The following PTPRM variants were observed in gnomAD, a reference collection of about 807,000 sequenced individuals.
PTPRM encodes protein tyrosine phosphatase receptor type M.
PTPRM carries 47 observed loss-of-function variants against 186.7 expected under a neutral mutation model. That is an observed-to-expected ratio of 0.25 (90% CI 0.20 to 0.32). The LOEUF is 0.32. PTPRM is among the 10% of genes least tolerant of loss of function. PTPRM has a pLI of 1.00. For synonymous variants in PTPRM, 668 were observed against 674.9 expected, an observed-to-expected ratio of 0.99 and a Z score of 0.16; for missense variants, 1,494 against 1,865.0, an observed-to-expected ratio of 0.80 and a Z score of 3.66.
chr18:8,384,706 T>A lies in PTPRM; in HGVS notation c.4044+20T>A, dbSNP rs1412107285. On this transcript the variant is annotated intron_variant, in intron 30 of 32. Transcript: ENST00000580170. ...GCCAGAGTAAGAGACGGGCCTGTCA[T>A]GCCTGTGATTATGGTTTCATTTATT... is the stretch of plus-strand genomic sequence containing the variant. 1 of 1,613,162 alleles carries A rather than the reference T, an allele frequency of 6.2e-7. No homozygotes were observed. The highest frequency in any genetic ancestry group is 8.5e-7 in the Non-Finnish European group (1 of 1,179,286).
At chr18:7,897,097 C>T (rs1186858974) in intron 3 of PTPRM, among the ~76,000 whole-genome samples, 4 of 152,118 alleles carry the variant, frequency 2.6e-5, no homozygotes, top group Non-Finnish European at 5.9e-5. Flanking sequence ...TGTTAGGAGG[C>T]ATTAATTGAC....
intron 14 of PTPRM, among the ~76,000 whole-genome samples, chr18:8,171,160 G>T (rs1055083665): frequency 6.6e-6 from 1 of 152,120 alleles, no homozygotes; most frequent in African/African-American, 2.4e-5. Context: ...CATTCATTCT[G>T]GACCTAAATA....
intron 14 of PTPRM, among the ~76,000 whole-genome samples, chr18:8,181,250 G>C (rs1399863913): frequency 6.6e-6 from 1 of 152,194 alleles, no homozygotes; most frequent in African/African-American, 2.4e-5. Flanking sequence ...AATTGAGAGT[G>C]ATTCCATCTT....
At chr18:7,938,080 C>T (rs1165668811) in intron 5 of PTPRM, among the ~76,000 whole-genome samples, 2 of 152,178 alleles carry the variant, frequency 1.3e-5, no homozygotes, top group African/African-American at 2.4e-5. Flanking sequence ...ACAATCTGAA[C>T]ATAGAGATGC....
intron 14 of PTPRM, among the ~76,000 whole-genome samples, chr18:8,238,182 A>G (rs558318759): frequency 9.8e-5 from 15 of 152,340 alleles, no homozygotes; most frequent in African/African-American, 3.4e-4. Context: ...TATTGCTTCA[A>G]ATATTTCTTC....
intron 7 of PTPRM, among the ~76,000 whole-genome samples, chr18:8,033,431 G>A (rs1230200882): frequency 6.6e-6 from 1 of 152,034 alleles, no homozygotes; most frequent in Non-Finnish European, 1.5e-5. Context: ...ACCATTTCAT[G>A]GTTGTGCAAA....
At chr18:7,774,411 G>A in intron 2 of PTPRM, 140 bp downstream of exon 2, 1 of 1,006,074 alleles carries the variant, frequency 9.9e-7, no homozygotes, top group South Asian at 1.6e-5. Context: ...GCTAGTGAGA[G>A]TGGTGCAATT....
chr18:8,206,369 C>G (rs1022936121), intron 14 of PTPRM, among the ~76,000 whole-genome samples: 2 of 152,050 alleles, frequency 1.3e-5, no homozygotes, highest in Non-Finnish European at 2.9e-5. Flanking sequence ...ATTCTCCTGC[C>G]TCAGCCTCCC....
intron 3 of PTPRM, among the ~76,000 whole-genome samples, chr18:7,903,786 C>A (rs1200391738): frequency 6.6e-6 from 1 of 152,184 alleles, no homozygotes; most frequent in East Asian, 1.9e-4. Context: ...TCTGGGATGT[C>A]TTCTGTCCCT....
At chr18:7,899,170 G>A (rs145980099) in intron 3 of PTPRM, among the ~76,000 whole-genome samples, 1,967 of 152,192 alleles carry the variant, frequency 0.013, 20 homozygotes, top group South Asian at 0.032. Flanking sequence ...AAAAAGCAAC[G>A]TTACCAAAAA....
chr18:8,172,383 T>C (rs2093415732), intron 14 of PTPRM, among the ~76,000 whole-genome samples: 1 of 152,016 alleles, frequency 6.6e-6, no homozygotes, highest in Non-Finnish European at 1.5e-5. Context: ...AGTAGCTGTG[T>C]CTTCAATGTA....
intron 32 of PTPRM, among the ~76,000 whole-genome samples, chr18:8,405,792 C>T (rs1370330498): frequency 1.3e-5 from 2 of 152,220 alleles, no homozygotes. Flanking sequence ...ACCCCTGACC[C>T]TCCTGCACAA....
intron 11 of PTPRM, among the ~76,000 whole-genome samples, chr18:8,093,436 G>C (rs567806787): frequency 6.7e-4 from 102 of 151,662 alleles, no homozygotes; most frequent in Non-Finnish European, 1.0e-3. Flanking sequence ...TCCTTTTTTC[G>C]TCTCATTTTA....
At chr18:7,806,968 C>T (rs1166393178) in intron 2 of PTPRM, among the ~76,000 whole-genome samples, 1 of 152,214 alleles carries the variant, frequency 6.6e-6, no homozygotes, top group African/African-American at 2.4e-5. Flanking sequence ...TTGTGGCCCT[C>T]TGCCTTTCCC....
chr18:8,248,714 A>AC (rs1374695868), intron 17 of PTPRM, among the ~76,000 whole-genome samples: 7 of 152,008 alleles, frequency 4.6e-5, no homozygotes, highest in South Asian at 2.1e-4. Flanking sequence ...AGGGCACCCC[A>AC]CCCCCCCACC....
intron 14 of PTPRM, among the ~76,000 whole-genome samples, chr18:8,198,434 C>G (rs2093809308): frequency 6.6e-6 from 1 of 152,172 alleles, no homozygotes; most frequent in African/African-American, 2.4e-5. Context: ...CAGGCATGAA[C>G]CATCACACCC....
At chr18:7,976,884 A>G (rs907485560) in intron 7 of PTPRM, among the ~76,000 whole-genome samples, 2 of 151,046 alleles carry the variant, frequency 1.3e-5, no homozygotes, top group South Asian at 2.1e-4. Context: ...GTTAAGTACT[A>G]TCAGTCAGAA....
intron 11 of PTPRM, among the ~76,000 whole-genome samples, chr18:8,104,352 CTGCT>C (rs1223443100): frequency 2.8e-4 from 43 of 152,298 alleles, no homozygotes; most frequent in African/African-American, 8.4e-4. Flanking sequence ...TTTATCCCTA[CTGCT>C]TGCTTAATTC....
At chr18:8,080,200 A>G (rs894949972) in intron 9 of PTPRM, among the ~76,000 whole-genome samples, 1 of 152,206 alleles carries the variant, frequency 6.6e-6, no homozygotes, top group African/African-American at 2.4e-5. Flanking sequence ...GATTCTATCA[A>G]AATGTAAACA....
Sources: allele counts gnomAD v4.1 joint callset (sites outside exome capture counted in the v4.1 genomes callset), GRCh38; gene constraint gnomAD v4.1.1; transcripts MANE v1.5; gene names NCBI Gene and HGNC (gene_info 2026-07-23, HGNC 2026-07-21).